Variants in ARMH3 observed in about 807,000 individuals in gnomAD.
The protein encoded by ARMH3 is armadillo like helical domain containing 3.
Under a neutral mutation model 99.1 loss-of-function variants are expected in ARMH3, and 60 were observed. The ratio of observed to expected loss-of-function variants is 0.61; its 90% CI spans 0.49 to 0.75. ARMH3 has a LOEUF of 0.75. Among genes scored for constraint, ARMH3 ranks in the 30% least tolerant of loss-of-function variants. ARMH3 has a pLI of 0.00. For synonymous variants in ARMH3, 285 were observed against 292.8 expected, an observed-to-expected ratio of 0.97 and a Z score of 0.27; for missense variants, 679 against 843.1, an observed-to-expected ratio of 0.81 and a Z score of 2.41.
At chr10:101,908,403 G>A (rs1484438598) in intron 23 of ARMH3, among the ~76,000 whole-genome samples, 1 of 152,136 alleles carries the variant, frequency 6.6e-6, no homozygotes, top group Non-Finnish European at 1.5e-5. Context: ...TTCTCAACAT[G>A]AGCACTACTA....
chr10:101,960,071 G>A (rs905847362), intron 20 of ARMH3, among the ~76,000 whole-genome samples: 7 of 152,104 alleles, frequency 4.6e-5, no homozygotes, highest in Non-Finnish European at 8.8e-5. Context: ...CCAGCTACTC[G>A]AGAGGCTGAG....
intron 23 of ARMH3, among the ~76,000 whole-genome samples, chr10:101,901,674 G>C (rs1189522949): frequency 6.6e-6 from 1 of 152,180 alleles, no homozygotes; most frequent in Non-Finnish European, 1.5e-5. Flanking sequence ...TAAGAAGCCT[G>C]GGTGTGGATA....
chr10:102,011,489 C>T (rs1444475111), intron 11 of ARMH3, among the ~76,000 whole-genome samples: 1 of 151,808 alleles, frequency 6.6e-6, no homozygotes, highest in Non-Finnish European at 1.5e-5. Context: ...CTCCTTTCCC[C>T]ATCTCACTTG....
At chr10:102,022,037 T>C (rs1217808066) in intron 8 of ARMH3, among the ~76,000 whole-genome samples, 1 of 152,156 alleles carries the variant, frequency 6.6e-6, no homozygotes, top group Non-Finnish European at 1.5e-5. Flanking sequence ...TATAATTGCC[T>C]ACAGTATTCA....
chr10:102,051,171 A>G (rs1023208682), intron 1 of ARMH3, among the ~76,000 whole-genome samples: 10 of 151,082 alleles, frequency 6.6e-5, no homozygotes, highest in South Asian at 2.1e-4. Flanking sequence ...AAAAAAAAAA[A>G]AAAGAAAGAA....
intron 16 of ARMH3, among the ~76,000 whole-genome samples, chr10:101,993,908 T>C (rs1846932959): frequency 6.6e-6 from 1 of 152,206 alleles, no homozygotes; most frequent in South Asian, 2.1e-4. Flanking sequence ...TATTCCCTCT[T>C]CCGTCCCATC....
chr10:101,944,275 G>T (rs4919604), intron 22 of ARMH3, among the ~76,000 whole-genome samples: 2,659 of 13,062 alleles, frequency 0.2, 26 homozygotes, highest in African/African-American at 0.23. Flanking sequence ...TATATATATA[G>T]AGAGAGAGAG....
chr10:101,856,339 G>T (rs981460093), intron 24 of ARMH3, among the ~76,000 whole-genome samples: 1 of 152,156 alleles, frequency 6.6e-6, no homozygotes, highest in African/African-American at 2.4e-5. Context: ...ACTCATTTTA[G>T]ATGGAAGCTT....
intron 20 of ARMH3, among the ~76,000 whole-genome samples, chr10:101,967,275 A>T (rs146435844): frequency 1.8e-3 from 273 of 152,324 alleles, no homozygotes; most frequent in Middle Eastern, 3.4e-3. Context: ...CTAGTGTAAC[A>T]AGCTCATGCC....
intron 23 of ARMH3, among the ~76,000 whole-genome samples, chr10:101,910,203 GAAGA>G (rs1372671022): frequency 6.6e-6 from 1 of 152,156 alleles, no homozygotes; most frequent in Non-Finnish European, 1.5e-5. Context: ...GCTGACACTT[GAAGA>G]AAGAATTACA....
At chr10:101,878,842 A>G (rs999758135) in intron 24 of ARMH3, among the ~76,000 whole-genome samples, 10 of 152,040 alleles carry the variant, frequency 6.6e-5, no homozygotes, top group African/African-American at 2.4e-4. Flanking sequence ...ATTAAAAAAA[A>G]AAAAAATTAA....
Position 102,002,002 on chromosome 10 carries a change from C to G in ARMH3, c.1119G>C (p.Lys373Asn). ...QTSNLLITFL[K>N]YSSIVMQDTK... ...TGTCCTGCATGACAATTGAGCTATA[C>G]TTTAAAAAGGTTATCAGTAGATTAC... The change falls in exon 15 of 26, where the codon AAG (lysine) becomes AAC (asparagine). Residue 373 changes from lysine (K) to asparagine (N), a missense_variant. Lys to Asn is a moderately conservative substitution (Grantham distance 94). Transcript: ENST00000370033. The G allele has an allele frequency of 6.2e-7, 1 of 1,614,208 alleles. No homozygotes were observed. The highest frequency in any genetic ancestry group is 8.5e-7 in the Non-Finnish European group (1 of 1,180,022).
At chr10:102,006,706 A>G in intron 13 of ARMH3, 73 bp from the exon 14 acceptor site, 1 of 1,375,172 alleles carries the variant, frequency 7.3e-7, no homozygotes, top group South Asian at 1.2e-5. Flanking sequence ...CCTAATACCA[A>G]TAAGGACTGG....
chr10:101,988,547 T>G (rs769112171), intron 19 of ARMH3, among the ~76,000 whole-genome samples: 14 of 152,174 alleles, frequency 9.2e-5, no homozygotes, highest in Non-Finnish European at 1.9e-4. Flanking sequence ...AAATGCAAAC[T>G]GCAACCTACT....
At chr10:101,848,816 C>T (rs2066519262) in intron 25 of ARMH3, among the ~76,000 whole-genome samples, 2 of 152,286 alleles carry the variant, frequency 1.3e-5, no homozygotes, top group South Asian at 4.1e-4. Flanking sequence ...ACTTCCTCCA[C>T]ATCAACTTAA....
chr10:101,924,864 C>T (rs952577722), intron 23 of ARMH3, among the ~76,000 whole-genome samples: 1 of 151,872 alleles, frequency 6.6e-6, no homozygotes, highest in African/African-American at 2.4e-5. Flanking sequence ...TGTGGTGGCA[C>T]GCACATGTAG....
At chr10:101,900,704 G>A (rs776540030) in intron 23 of ARMH3, among the ~76,000 whole-genome samples, 4 of 152,198 alleles carry the variant, frequency 2.6e-5, no homozygotes, top group Non-Finnish European at 5.9e-5. Context: ...CGAATTGGCT[G>A]GTCACAGTGG....
At chr10:101,944,518 T>G (rs1042306670) in intron 22 of ARMH3, among the ~76,000 whole-genome samples, 8 of 151,564 alleles carry the variant, frequency 5.3e-5, no homozygotes, top group African/African-American at 1.5e-4. Flanking sequence ...GAGAAAATAT[T>G]AAAAGCATTC....
intron 24 of ARMH3, among the ~76,000 whole-genome samples, chr10:101,850,367 G>A (rs1341037545): frequency 6.6e-6 from 1 of 151,154 alleles, no homozygotes; most frequent in African/African-American, 2.4e-5. Context: ...CCAAAGTGCT[G>A]GGAGTACGGG....
Sources: allele counts gnomAD v4.1 joint callset (sites outside exome capture counted in the v4.1 genomes callset), GRCh38; gene constraint gnomAD v4.1.1; transcripts MANE v1.5; gene names NCBI Gene and HGNC (gene_info 2026-07-23, HGNC 2026-07-21).